Variants in EMX1 observed in about 807,000 individuals in gnomAD.
EMX1 encodes homeobox protein EMX1.
EMX1 carries 10 observed loss-of-function variants against 20.1 expected under a neutral mutation model. The observed-to-expected ratio is 0.50, with a 90% CI of 0.31 to 0.84. EMX1 has a LOEUF of 0.84. EMX1 is among the 40% of genes least tolerant of loss of function. The probability of loss-of-function intolerance (pLI) is 0.05; values close to 1 mark genes in which losing one functional copy is unlikely to be tolerated. For synonymous variants in EMX1, 250 were observed against 200.4 expected (o/e 1.25, Z -2.09); for missense variants, 424 against 431.9 (o/e 0.98, Z 0.16).
chr2:72,922,766 A>G (rs1328711072), intron 1 of EMX1, among the ~76,000 whole-genome samples: 1 of 152,254 alleles, frequency 6.6e-6, no homozygotes, highest in East Asian at 1.9e-4. Flanking sequence ...TAGCTACAGC[A>G]TCTCAATTAT....
In EMX1 at chr2:72,924,378, C is replaced by T. The variant is rs769264387; in HGVS notation, c.590C>T (p.Thr197Met). Residue 197 changes from threonine to methionine, a missense_variant, in exon 2 of 3, where the codon ACG (threonine) becomes ATG (methionine). Physicochemically the swap from Thr to Met is moderately conservative, Grantham distance 81. Transcript: ENST00000258106. The stretch of plus-strand genomic sequence containing the variant: ...GCACGCAAGCCCAAGCGGATCCGCA[C>T]GGCCTTCTCGCCCTCGCAGCTGCTG... ...PFARKPKRIR[T>M]AFSPSQLLRL... 1 of 1,593,020 alleles carries T rather than the reference C, an allele frequency of 6.3e-7. No homozygotes were observed.
chr2:72,926,396 A>G lies in EMX1; in HGVS notation c.705+1903A>G, dbSNP rs565092458. On this transcript the variant is annotated intron_variant, in intron 2 of 2. Transcript: ENST00000258106. ...ATAAACGTATCCTGCTTCATTAACTATCAAAACTCAGGGCTAATCTTCTTC... is the reference window on the plus strand; with the variant it reads ...ATAAACGTATCCTGCTTCATTAACTGTCAAAACTCAGGGCTAATCTTCTTC... The G allele has an allele frequency of 1.4e-5, 10 of 714,140 alleles. No homozygotes were observed. In the South Asian group the frequency reaches 2.6e-4, roughly 18 times the overall value. The allele number at this position is 714,140 out of a possible 1,614,324, so 44.2% of individuals were successfully genotyped here. A position where few individuals can be genotyped will look rare whatever the true frequency, so the allele number is the denominator to read the frequency against.
chr2:72,926,209 CTCAG>C, intron 2 of EMX1: 3 of 985,384 alleles, frequency 3.0e-6, no homozygotes, highest in Non-Finnish European at 2.4e-6. Flanking sequence ...AATTTTTTAG[CTCAG>C]TGAGAGCATT....
In EMX1 at chr2:72,934,128, G is replaced by A; in HGVS notation, c.*174G>A. The A allele has an allele frequency of 2.1e-6, 2 of 950,962 alleles. No individual in the cohort carries two copies. Among genetic ancestry groups the A allele is most frequent in the Admixed American group, 3.0e-5 (1 of 33,276 alleles). 58.9% of individuals were successfully genotyped at this position (950,962 alleles called of 1,614,324 possible). A position where few individuals can be genotyped will look rare whatever the true frequency, so the allele number is the denominator to read the frequency against. ...CCATTGACAGAGGGACAAGCAATGG[G>A]CTGGCTGAGGCCTGGGACCACTTGG... is the stretch of plus-strand genomic sequence containing the variant. On this transcript the variant is annotated 3_prime_UTR_variant, in exon 3 of 3. Coordinates refer to ENST00000258106, the MANE Select transcript of EMX1 (RefSeq NM_004097.3).
chr2:72,919,662 A>G (rs891410936), intron 1 of EMX1, among the ~76,000 whole-genome samples: 8 of 152,268 alleles, frequency 5.3e-5, no homozygotes, highest in African/African-American at 1.9e-4. Context: ...CCACCTGGCC[A>G]ATAGATGCTG....
chr2:72,932,394 G>A lies in EMX1; in HGVS notation c.706-1393G>A, dbSNP rs182160070. 9.2e-5 allele frequency among the ~76,000 whole-genome samples: 14 copies of A among 152,338 alleles called. No individual in the cohort carries two copies. The East Asian group carries it at 1.7e-3, about 19-fold the overall frequency. On this transcript the variant is annotated intron_variant, in intron 2 of 2. Coordinates refer to ENST00000258106, the MANE Select transcript of EMX1 (RefSeq NM_004097.3). ...CCAGAACATTTCCTCTATGCATGAAGGACTGAAGCCCAGAGGGGGAAGGGA... is the reference window on the plus strand; with the variant it reads ...CCAGAACATTTCCTCTATGCATGAAAGACTGAAGCCCAGAGGGGGAAGGGA...
rs542284016 is a variant in EMX1 at position 72,917,898 on chromosome 2, C to G, written c.46C>G (p.Arg16Gly). 1 of 1,481,344 alleles carries G rather than the reference C, an allele frequency of 6.8e-7. No individual in the cohort carries two copies. Among genetic ancestry groups the G allele is most frequent in the Admixed American group, 2.3e-5 (1 of 43,430 alleles). The allele number at this position is 1,481,344 out of a possible 1,614,324, so 91.8% of individuals were successfully genotyped here. A position where few individuals can be genotyped will look rare whatever the true frequency, so the allele number is the denominator to read the frequency against. The change falls in exon 1 of 3, where the codon CGC becomes GGC. Residue 16 changes from arginine (R) to glycine (G), a missense_variant. By Grantham distance (125) the Arg-to-Gly change is moderately radical (BLOSUM62 -2). Around this residue, in one of 2 missense-constraint regions of EMX1, gnomAD observed 333 missense variants for 296.6 expected, o/e 1.12. Coordinates refer to ENST00000258106, the MANE Select transcript of EMX1 (RefSeq NM_004097.3). ...ACCCCGCAAGGCGGCGGCGCCAGGA[C>G]GCGGAGCGCTCCCCAGAGCCCGGCT... The part of the protein sequence containing the change: ...CTPRKAAAPG[R>G]GALPRARLPR...
In EMX1 at chr2:72,917,720, G is replaced by C; in HGVS notation, c.-133G>C. 1 of 874,536 alleles carries C rather than the reference G, an allele frequency of 1.1e-6. No homozygotes were observed. Among genetic ancestry groups the C allele is most frequent in the Non-Finnish European group, 1.5e-6 (1 of 680,104 alleles). The allele number at this position is 874,536 out of a possible 1,614,324, so 54.2% of individuals were successfully genotyped here. On this transcript the variant is annotated 5_prime_UTR_variant, in exon 1 of 3. Transcript: ENST00000258106. ...CCCGCTCCGCCGCAGCAGCCGCCGC[G>C]CCTGGCCGTACGCTGTGGCCGGACC...
rs183784760 is a variant in EMX1, at chr2:72,934,431, G to A, written c.*477G>A. On this transcript the variant is annotated 3_prime_UTR_variant, in exon 3 of 3. Coordinates refer to ENST00000258106, the MANE Select transcript of EMX1 (RefSeq NM_004097.3). ...CAGTGGGGGCTGGTAGAGCAAACGC[G>A]TTCAGGGCCTGGGAGCCTGGGGTGG... 57 of 156,258 alleles carry A rather than the reference G, an allele frequency of 3.6e-4. No homozygotes were observed. Among genetic ancestry groups the A allele is most frequent in the Non-Finnish European group, 6.4e-4 (45 of 70,782 alleles). The allele number at this position is 156,258 out of a possible 1,614,324, so 9.7% of individuals were successfully genotyped here. A position where few individuals can be genotyped will look rare whatever the true frequency, so the allele number is the denominator to read the frequency against.
chr2:72,933,777 C>T lies in EMX1; in HGVS notation c.706-10C>T, dbSNP rs1469781328. On this transcript the variant is annotated splice_polypyrimidine_tract_variant and intron_variant, in intron 2 of 2. Coordinates refer to ENST00000258106, the MANE Select transcript of EMX1 (RefSeq NM_004097.3). ...AGTTTCTCATCTGTGCCCCTCCCTC[C>T]CTGGCCCAGGTGAAGGTGTGGTTCC... 2 of 1,614,068 alleles carry T rather than the reference C, an allele frequency of 1.2e-6. No homozygotes were observed. The highest frequency in any genetic ancestry group is 1.1e-5 in the South Asian group (1 of 91,070).
At chr2:72,918,419 G>A (rs751904534) in intron 1 of EMX1, 47 bp downstream of exon 1, 29 of 1,356,602 alleles carry the variant, frequency 2.1e-5, no homozygotes, top group South Asian at 1.1e-4. Context: ...CGGCGCCCGT[G>A]CTGCGGCGAT....
intron 2 of EMX1, 124 bp downstream of exon 2, chr2:72,924,617 T>G: frequency 2.7e-5 from 31 of 1,157,806 alleles, no homozygotes; most frequent in Non-Finnish European, 3.4e-5. Flanking sequence ...AAGGCCCCCA[T>G]TCCCCGCGGC....
intron 1 of EMX1, among the ~76,000 whole-genome samples, chr2:72,919,180 T>TACACACAC (rs70963149): frequency 0.025 from 3,517 of 142,540 alleles, 68 homozygotes; most frequent in African/African-American, 0.049. Flanking sequence ...CCACTGGCCC[T>TACACACAC]ACACACACAC....
chr2:72,933,870 G>A lies in EMX1; in HGVS notation c.789G>A (p.Lys263=). ...EEEGPESEQK[K]KGSHHINRWR... ...AAGGGCCTGAGTCCGAGCAGAAGAA[G>A]AAGGGCTCCCATCACATCAACCGGT... The change falls in exon 3 of 3, where the codon AAG becomes AAA. Residue 263 remains lysine, a synonymous_variant. Transcript: ENST00000258106. 1.2e-6 allele frequency: 2 copies of A among 1,614,280 alleles called. No individual in the cohort carries two copies. The highest frequency in any genetic ancestry group is 1.7e-6 in the Non-Finnish European group (2 of 1,180,052).
chr2:72,925,687 T>A lies in EMX1; in HGVS notation c.705+1194T>A, dbSNP rs1671189445. ...CCCGGCATGGGGGGCAGCCGGAGCC[T>A]CCCTTTAGCAGCCAGAGTAGGAAGG... On this transcript the variant is annotated intron_variant, in intron 2 of 2. Transcript: ENST00000258106. The A allele has an allele frequency of 6.0e-6, 7 of 1,170,754 alleles. No individual in the cohort carries two copies. In the South Asian group the frequency reaches 9.6e-5, roughly 16 times the overall value. 72.5% of individuals were successfully genotyped at this position (1,170,754 alleles called of 1,614,324 possible). A position where few individuals can be genotyped will look rare whatever the true frequency, so the allele number is the denominator to read the frequency against.
chr2:72,918,463 A>G, intron 1 of EMX1, 91 bp downstream of exon 1: 1 of 1,326,858 alleles, frequency 7.5e-7, no homozygotes. Flanking sequence ...GGGGCTGTTT[A>G]GAAGTTACTG....
At chr2:72,920,248 T>C (rs1671077458) in intron 1 of EMX1, among the ~76,000 whole-genome samples, 3 of 152,154 alleles carry the variant, frequency 2.0e-5, no homozygotes, top group African/African-American at 7.2e-5. Context: ...GGCGGATAAA[T>C]CCTTCGCAAA....
upstream of EMX1, chr2:72,916,552 G>A (rs987739437): frequency 5.7e-5 from 35 of 612,532 alleles, no homozygotes; most frequent in East Asian, 1.1e-4. Flanking sequence ...TGCCCCCGGG[G>A]AATTCGTCCG....
intron 2 of EMX1, 41 bp downstream of exon 2, chr2:72,924,534 C>A: frequency 6.6e-7 from 1 of 1,511,036 alleles, no homozygotes; most frequent in East Asian, 2.4e-5. Context: ...GCCCGGAGCC[C>A]GGGTGGAGGT....
Sources: allele counts gnomAD v4.1 joint callset (sites outside exome capture counted in the v4.1 genomes callset), GRCh38; gene constraint gnomAD v4.1.1; regional missense constraint gnomAD v4.1.1; transcripts MANE v1.5; gene names NCBI Gene and HGNC (gene_info 2026-07-23, HGNC 2026-07-21).